The following MLLT3 variants were observed in gnomAD, a reference collection of about 807,000 sequenced individuals.
The protein encoded by MLLT3 is MLLT3 super elongation complex subunit.
A neutral mutation model predicts 53.2 loss-of-function variants in MLLT3; 4 were observed. The observed-to-expected ratio is 0.08, with a 90% CI of 0.04 to 0.17. The LOEUF is 0.17. MLLT3 is among the 10% of genes least tolerant of loss of function. MLLT3 has a pLI of 1.00. For missense variants in MLLT3, 569 were observed against 684.0 expected (o/e 0.83, Z 1.87); for synonymous variants, 283 against 230.6 (o/e 1.23, Z -2.06).
intron 5 of MLLT3, among the ~76,000 whole-genome samples, chr9:20,387,124 C>G (rs1358251240): frequency 2.6e-5 from 4 of 152,200 alleles, no homozygotes; most frequent in Non-Finnish European, 5.9e-5. Context: ...CTATAAAAGA[C>G]TGAATAGTAA....
At position 20,597,844 on chromosome 9, in the gene MLLT3, GCTTA is replaced by G. The variant is rs1318679054; in HGVS notation, c.193+22806_193+22809del. On this transcript the variant is annotated intron_variant, in intron 2 of 10. Coordinates refer to ENST00000380338, the MANE Select transcript of MLLT3 (RefSeq NM_004529.4). ...TCACCAATTCTGCCATTCTATAGAA[GCTTA>G]CTAATATTTTTTAACTAAAACAATT... is the stretch of plus-strand genomic sequence containing the variant. Among the ~76,000 whole-genome samples, 11 of 152,310 alleles carry G rather than the reference GCTTA, an allele frequency of 7.2e-5. No homozygotes were observed. In the South Asian group the frequency reaches 1.9e-3, roughly 26 times the overall value.
At chr9:20,539,371 C>T (rs1818566338) in intron 2 of MLLT3, among the ~76,000 whole-genome samples, 1 of 152,142 alleles carries the variant, frequency 6.6e-6, no homozygotes, top group South Asian at 2.1e-4. Context: ...TTTCACAGTG[C>T]TATAAAGAAC....
At chr9:20,359,100 G>A (rs12551738) in intron 8 of MLLT3, among the ~76,000 whole-genome samples, 2,160 of 133,882 alleles carry the variant, frequency 0.016, 88 homozygotes, top group Admixed American at 0.099. Context: ...AGCCAAGATC[G>A]CGCCATTGCA....
intron 2 of MLLT3, among the ~76,000 whole-genome samples, chr9:20,531,069 T>C (rs1273801670): frequency 6.6e-6 from 1 of 151,648 alleles, no homozygotes; most frequent in Non-Finnish European, 1.5e-5. Context: ...TAATCCAGTT[T>C]TGCTTTTAGC....
At chr9:20,464,315 A>G (rs1214647673) in intron 2 of MLLT3, among the ~76,000 whole-genome samples, 4 of 152,164 alleles carry the variant, frequency 2.6e-5, no homozygotes, top group African/African-American at 9.6e-5. Flanking sequence ...GGCTACAAAG[A>G]TAAGACGAGT....
At chr9:20,493,839 T>C (rs1825012635) in intron 2 of MLLT3, among the ~76,000 whole-genome samples, 1 of 152,102 alleles carries the variant, frequency 6.6e-6, no homozygotes, top group Admixed American at 6.6e-5. Flanking sequence ...ACAATAGACA[T>C]GCATAATTTT....
At chr9:20,455,952 G>GAA (rs150966238) in intron 3 of MLLT3, among the ~76,000 whole-genome samples, 1 of 124,848 alleles carries the variant, frequency 8.0e-6, no homozygotes, top group African/African-American at 3.0e-5. Context: ...TTTTTTTTGA[G>GAA]AAAAATAATG....
At chr9:20,565,734 AC>A (rs1169978476) in intron 2 of MLLT3, among the ~76,000 whole-genome samples, 2 of 149,376 alleles carry the variant, frequency 1.3e-5, no homozygotes, top group East Asian at 3.9e-4. Context: ...TTACCTCTCC[AC>A]CCCCAAGGAA....
At position 20,341,735 on chromosome 9, in the gene MLLT3, AAGG is replaced by A. The variant is rs1820741553; in HGVS notation, c.*4705_*4707del. On this transcript the variant is annotated 3_prime_UTR_variant, in exon 11 of 11. Coordinates refer to ENST00000380338, the MANE Select transcript of MLLT3 (RefSeq NM_004529.4). The stretch of plus-strand genomic sequence containing the variant: ...TAGTTGTTCTCCTTCCTGTCTAATC[AAGG>A]TAGCAGTTCTTGCTGTGAAAGTAAA... 5.3e-6 allele frequency: 1 copy of A among 189,160 alleles called. No homozygotes were observed. Among genetic ancestry groups the A allele is most frequent in the African/African-American group, 2.3e-5 (1 of 42,806 alleles). 11.7% of individuals were successfully genotyped at this position (189,160 alleles called of 1,614,324 possible).
At chr9:20,518,874 G>C (rs997209935) in intron 2 of MLLT3, among the ~76,000 whole-genome samples, 5 of 152,190 alleles carry the variant, frequency 3.3e-5, no homozygotes, top group Admixed American at 3.3e-4. Flanking sequence ...GCAACTCACA[G>C]ATAAAGGAGA....
intron 2 of MLLT3, among the ~76,000 whole-genome samples, chr9:20,605,327 T>C (rs749315091): frequency 6.6e-6 from 1 of 152,088 alleles, no homozygotes; most frequent in African/African-American, 2.4e-5. Flanking sequence ...CATTCTTTTC[T>C]ACTTACCCTG....
intron 2 of MLLT3, among the ~76,000 whole-genome samples, chr9:20,561,428 A>G (rs1017278943): frequency 6.6e-6 from 1 of 152,150 alleles, no homozygotes; most frequent in Non-Finnish European, 1.5e-5. Context: ...AAAAACTCCA[A>G]TCTTTTCCAG....
chr9:20,389,606 C>T (rs971120527), intron 5 of MLLT3, among the ~76,000 whole-genome samples: 3 of 151,884 alleles, frequency 2.0e-5, no homozygotes, highest in African/African-American at 7.3e-5. Context: ...AGAACCCCAT[C>T]TCTACAAAAA....
intron 2 of MLLT3, among the ~76,000 whole-genome samples, chr9:20,507,484 T>A: frequency 6.6e-6 from 1 of 152,146 alleles, no homozygotes; most frequent in East Asian, 1.9e-4. Context: ...CTAGTTTATA[T>A]AACATTTCTT....
chr9:20,350,394 G>C (rs983989297), intron 10 of MLLT3, among the ~76,000 whole-genome samples: 1 of 152,022 alleles, frequency 6.6e-6, no homozygotes, highest in Non-Finnish European at 1.5e-5. Context: ...AGGAGATCAA[G>C]ACCAACCCGG....
At chr9:20,429,513 G>T (rs1170377812) in intron 4 of MLLT3, among the ~76,000 whole-genome samples, 1 of 151,922 alleles carries the variant, frequency 6.6e-6, no homozygotes, top group Non-Finnish European at 1.5e-5. Flanking sequence ...AAAAATTTTT[G>T]AATAGAATAT....
intron 5 of MLLT3, among the ~76,000 whole-genome samples, chr9:20,385,941 A>G (rs559126878): frequency 1.3e-5 from 2 of 152,272 alleles, no homozygotes; most frequent in South Asian, 2.1e-4. Flanking sequence ...GTAAACTGCA[A>G]TCTGCCTTCT....
intron 10 of MLLT3, among the ~76,000 whole-genome samples, chr9:20,350,474 A>G (rs895407617): frequency 8.5e-4 from 129 of 150,882 alleles, no homozygotes; most frequent in African/African-American, 3.0e-3. Context: ...GGGCGCCTGT[A>G]GTCCCAGCTA....
chr9:20,429,554 A>G (rs1399385440), intron 4 of MLLT3, among the ~76,000 whole-genome samples: 1 of 151,876 alleles, frequency 6.6e-6, no homozygotes, highest in Non-Finnish European at 1.5e-5. Context: ...TAGGGGGGAA[A>G]AAAAGGAAAA....
Sources: gnomAD v4.1 joint callset for allele counts (sites outside exome capture counted in the v4.1 genomes callset) on GRCh38, gnomAD v4.1.1 for gene constraint, MANE v1.5 for transcripts, NCBI Gene and HGNC (gene_info 2026-07-23, HGNC 2026-07-21) for gene names.